ATP8A2: variants seen among roughly 807,000 people sequenced by gnomAD.
ATP8A2 encodes the protein phospholipid-transporting ATPase IB.
Under a neutral mutation model 165.6 loss-of-function variants are expected in ATP8A2, and 100 were observed. The observed-to-expected ratio is 0.60, with a 90% CI of 0.51 to 0.71. The LOEUF (loss-of-function observed/expected upper bound fraction) is 0.71. Ranked by LOEUF, ATP8A2 falls within the 30% of genes least tolerant of loss-of-function variation. The pLI is 0.00. For missense variants in ATP8A2, 1,227 were observed against 1,479.5 expected, an observed-to-expected ratio of 0.83 and a Z score of 2.80; for synonymous variants, 543 against 548.8, an observed-to-expected ratio of 0.99 and a Z score of 0.15.
At chr13:25,701,383 T>C (rs919592189) in intron 25 of ATP8A2, among the ~76,000 whole-genome samples, 3 of 152,184 alleles carry the variant, frequency 2.0e-5, no homozygotes, top group Non-Finnish European at 2.9e-5. Context: ...TGTTTCTACA[T>C]TGTAAAGCTG....
chr13:25,501,117 G>T (rs1593409691), intron 2 of ATP8A2, among the ~76,000 whole-genome samples: 1 of 152,316 alleles, frequency 6.6e-6, no homozygotes, highest in African/African-American at 2.4e-5. Flanking sequence ...GCATGAAAGA[G>T]ATGCAGAAGT....
chr13:25,942,608 C>T (rs576255387), intron 33 of ATP8A2, among the ~76,000 whole-genome samples: 7 of 152,172 alleles, frequency 4.6e-5, no homozygotes, highest in African/African-American at 1.7e-4. Flanking sequence ...GTTTTAAGTA[C>T]AGATGGGGTT....
At chr13:25,853,834 G>T (rs1404256807) in intron 30 of ATP8A2, among the ~76,000 whole-genome samples, 5 of 152,320 alleles carry the variant, frequency 3.3e-5, no homozygotes, top group African/African-American at 1.2e-4. Flanking sequence ...TTAAATCCAT[G>T]AGGCTGATTT....
intron 35 of ATP8A2, among the ~76,000 whole-genome samples, chr13:26,006,392 C>A (rs112981355): frequency 0.017 from 2,523 of 151,994 alleles, 76 homozygotes; most frequent in African/African-American, 0.057. Context: ...TTTATTAACT[C>A]CCGTAATTTG....
At chr13:25,963,393 C>CAAAAAAAAAA (rs763926807) in intron 34 of ATP8A2, among the ~76,000 whole-genome samples, 2 of 115,372 alleles carry the variant, frequency 1.7e-5, no homozygotes, top group Non-Finnish European at 3.7e-5. Flanking sequence ...GACTCCGTCT[C>CAAAAAAAAAA]AAAAAAAAAA....
intron 24 of ATP8A2, among the ~76,000 whole-genome samples, chr13:25,670,551 G>T (rs1348451565): frequency 1.3e-5 from 2 of 152,128 alleles, no homozygotes; most frequent in Admixed American, 1.3e-4. Flanking sequence ...GGTGAAAATG[G>T]TTTCCCATTT....
At position 25,761,147 on chromosome 13, in the gene ATP8A2, A is replaced by G. The variant is rs138737572; in HGVS notation, c.2385-7899A>G. Among the ~76,000 whole-genome samples, 92 of 152,320 alleles carry G rather than the reference A, an allele frequency of 6.0e-4. No homozygotes were observed. In the East Asian group the frequency reaches 0.014, roughly 24 times the overall value. ...GACCTATGCCTGGTATTGCCAAAAT[A>G]TGGTGGATGTTATCAAAACATACAT... On this transcript the variant is annotated intron_variant, in intron 25 of 36. Transcript: ENST00000381655.
At chr13:25,983,518 G>A (rs564807236) in intron 35 of ATP8A2, among the ~76,000 whole-genome samples, 1 of 152,274 alleles carries the variant, frequency 6.6e-6, no homozygotes, top group African/African-American at 2.4e-5. Flanking sequence ...CTGTGAGTAG[G>A]CATATCCTGT....
chr13:25,857,444 G>A (rs1952200251), intron 30 of ATP8A2, among the ~76,000 whole-genome samples: 1 of 151,148 alleles, frequency 6.6e-6, no homozygotes, highest in Non-Finnish European at 1.5e-5. Context: ...TTGCAGTCAT[G>A]GCTCACTGCA....
chr13:25,851,759 C>G (rs1952014220), intron 30 of ATP8A2, among the ~76,000 whole-genome samples: 1 of 152,150 alleles, frequency 6.6e-6, no homozygotes, highest in Non-Finnish European at 1.5e-5. Context: ...CCTGAATGAT[C>G]CAAGAGTTTG....
intron 1 of ATP8A2, among the ~76,000 whole-genome samples, chr13:25,410,510 G>T (rs947281868): frequency 6.6e-6 from 1 of 152,172 alleles, no homozygotes; most frequent in East Asian, 1.9e-4. Context: ...TGTGCATGGT[G>T]CATGTCAGTT....
chr13:25,691,019 A>T (rs1593202134), intron 24 of ATP8A2, among the ~76,000 whole-genome samples: 1 of 152,214 alleles, frequency 6.6e-6, no homozygotes, highest in South Asian at 2.1e-4. Flanking sequence ...TGGCAACAGA[A>T]ATAATAAAGT....
chr13:25,541,788 A>T, intron 8 of ATP8A2, 131 bp from the exon 9 acceptor site: 1 of 931,898 alleles, frequency 1.1e-6, no homozygotes, highest in South Asian at 1.9e-5. Flanking sequence ...TGACAGTTTG[A>T]CTTGTTAGCC....
rs186671568 is a variant in ATP8A2, at chr13:25,552,889, G to A, written c.1058-904G>A. On this transcript the variant is annotated intron_variant, in intron 11 of 36. Coordinates refer to ENST00000381655, the MANE Select transcript of ATP8A2 (RefSeq NM_016529.6). ...CTCCTTGTCTTTCCATCACAGCCAC[G>A]CTTCAAAACTCTAAATTGGAATCAG... Among the ~76,000 whole-genome samples the A allele has an allele frequency of 1.6e-4, 24 of 152,038 alleles. No individual in the cohort carries two copies. In the East Asian group the frequency reaches 2.3e-3, roughly 15 times the overall value.
chr13:25,930,119 C>T (rs1414158746), intron 33 of ATP8A2, among the ~76,000 whole-genome samples: 2 of 152,144 alleles, frequency 1.3e-5, no homozygotes, highest in Non-Finnish European at 1.5e-5. Flanking sequence ...CTTTGCCAGT[C>T]TGCCCCTTAG....
rs1302518165 is a variant in ATP8A2, at chr13:25,791,532, C to CACACACAT, written c.2679+16580_2679+16581insTACACACA. Among the ~76,000 whole-genome samples, 10 of 129,688 alleles carry CACACACAT rather than the reference C, an allele frequency of 7.7e-5. No individual in the cohort carries two copies. The East Asian group carries it at 1.2e-3, about 16-fold the overall frequency. The allele number at this position is 129,688 out of a possible 152,430, so 85.1% of individuals were successfully genotyped here. A position where few individuals can be genotyped will look rare whatever the true frequency, so the allele number is the denominator to read the frequency against. ...GCACATGTATCCCCGAACTTAAACACACACACACATACACACACACACACA... is the reference window on the plus strand; with the variant it reads ...GCACATGTATCCCCGAACTTAAACACACACACATACACACACATACACACACACACACA... On this transcript the variant is annotated intron_variant, in intron 27 of 36. Coordinates refer to ENST00000381655, the MANE Select transcript of ATP8A2 (RefSeq NM_016529.6).
At chr13:25,709,990 A>T (rs557647957) in intron 25 of ATP8A2, among the ~76,000 whole-genome samples, 4 of 152,346 alleles carry the variant, frequency 2.6e-5, no homozygotes, top group African/African-American at 9.6e-5. Context: ...TCTTCAGGAT[A>T]ACTCATCGCT....
chr13:25,493,877 C>G (rs1418607920), intron 2 of ATP8A2, among the ~76,000 whole-genome samples: 8 of 151,932 alleles, frequency 5.3e-5, no homozygotes, highest in Admixed American at 5.2e-4. Context: ...AGGAGGGCTG[C>G]CAGTAGGTGA....
chr13:25,491,303 G>T (rs2036521823), intron 2 of ATP8A2, among the ~76,000 whole-genome samples: 1 of 152,144 alleles, frequency 6.6e-6, no homozygotes, highest in South Asian at 2.1e-4. Flanking sequence ...GGTCCTAAGA[G>T]TTAGGACAGG....
Sources: gnomAD v4.1 joint callset for allele counts (sites outside exome capture counted in the v4.1 genomes callset) on GRCh38, gnomAD v4.1.1 for gene constraint, MANE v1.5 for transcripts, NCBI Gene and HGNC (gene_info 2026-07-23, HGNC 2026-07-21) for gene names.